Variants in CFAP20DC observed in about 807,000 individuals in gnomAD.
CFAP20DC encodes protein CFAP20DC.
In CFAP20DC, 84 loss-of-function variants were observed where a neutral mutation model predicts 101.7. That is an observed-to-expected ratio of 0.83 (90% CI 0.69 to 0.99). CFAP20DC has a LOEUF of 0.99. CFAP20DC is among the 50% of genes least tolerant of loss of function. The pLI is 0.00. For synonymous variants in CFAP20DC, 359 were observed against 351.2 expected (o/e 1.02, Z -0.25); for missense variants, 1,007 against 970.3 (o/e 1.04, Z -0.50).
intron 4 of CFAP20DC, among the ~76,000 whole-genome samples, chr3:58,994,818 TAAAG>T (rs1357389902): frequency 6.6e-6 from 1 of 150,762 alleles, no homozygotes; most frequent in Admixed American, 6.6e-5. Context: ...TTTGCTCGGG[TAAAG>T]AACCAAAAGA....
chr3:59,048,221 T>G (rs1700021628), intron 1 of CFAP20DC, among the ~76,000 whole-genome samples: 1 of 152,226 alleles, frequency 6.6e-6, no homozygotes, highest in Non-Finnish European at 1.5e-5. Context: ...ACGGTTTGAA[T>G]TATAAACAAT....
intron 3 of CFAP20DC, among the ~76,000 whole-genome samples, chr3:59,041,922 C>T (rs1240054004): frequency 6.6e-6 from 1 of 152,066 alleles, no homozygotes; most frequent in Non-Finnish European, 1.5e-5. Context: ...TACTGAGCAC[C>T]TACTACGTAC....
Position 58,719,675 on chromosome 3 carries a change from G to A in CFAP20DC, c.198-2047C>T, listed in dbSNP as rs562767037. ...ATGTCATTATAATTCTGGTTTGTCC[G>A]CCTGTGTCTCCCAAGAAAAGGGGAA... On this transcript the variant is annotated intron_variant, in intron 3 of 3. Transcript: ENST00000486145. Among the ~76,000 whole-genome samples the A allele has an allele frequency of 4.6e-5, 7 of 152,224 alleles. No individual in the cohort carries two copies. The East Asian group carries it at 7.7e-4, about 17-fold the overall frequency.
chr3:58,838,241 C>T (rs2076871219), intron 13 of CFAP20DC, among the ~76,000 whole-genome samples: 1 of 151,958 alleles, frequency 6.6e-6, no homozygotes, highest in Non-Finnish European at 1.5e-5. Flanking sequence ...TTAAGGGTTG[C>T]TATATTGAGT....
intron 14 of CFAP20DC, among the ~76,000 whole-genome samples, chr3:58,823,565 A>G (rs1303173331): frequency 1.3e-5 from 2 of 152,162 alleles, no homozygotes; most frequent in South Asian, 2.1e-4. Context: ...ATTCAACAGA[A>G]GAGGAAATTG....
rs751318328 is a variant in CFAP20DC at position 59,049,681 on chromosome 3, C to A, written c.-50G>T. ...GGGGCACAGAGTTCAGGGTTTCCAG[C>A]GAGTGGCGTGACCCTGACGGCTGGA... On this transcript the variant is annotated 5_prime_UTR_variant, in exon 1 of 17. Transcript: ENST00000482387. 6 of 1,531,618 alleles carry A rather than the reference C, an allele frequency of 3.9e-6. No individual in the cohort carries two copies. In the South Asian group the frequency reaches 4.8e-5, roughly 12 times the overall value. 94.9% of individuals were successfully genotyped at this position (1,531,618 alleles called of 1,614,324 possible).
chr3:58,841,845 G>A (rs2077136951), intron 13 of CFAP20DC, among the ~76,000 whole-genome samples: 1 of 152,106 alleles, frequency 6.6e-6, no homozygotes, highest in Admixed American at 6.5e-5. Context: ...AACTTTTTCT[G>A]GAGCTATAAA....
At chr3:58,959,162 T>C (rs957874013) in intron 4 of CFAP20DC, among the ~76,000 whole-genome samples, 1 of 152,228 alleles carries the variant, frequency 6.6e-6, no homozygotes. Flanking sequence ...TGGTGCCATC[T>C]CCGCTCACTG....
intron 3 of CFAP20DC, among the ~76,000 whole-genome samples, 193 bp downstream of exon 3, chr3:59,046,036 G>A (rs77639561): frequency 5.8e-4 from 88 of 151,830 alleles, no homozygotes; most frequent in East Asian, 4.8e-3. Context: ...AAGATGGTGA[G>A]GTAGAATATA....
rs143373451 is a variant in CFAP20DC at position 58,986,163 on chromosome 3, C to T, written c.279-48401G>A. On this transcript the variant is annotated intron_variant, in intron 4 of 16. Coordinates refer to ENST00000482387, the MANE Select transcript of CFAP20DC (RefSeq NM_001394063.1). ...AAGAAAAATGAACCTTCAATTCATA[C>T]GTAAGTTTGAAAGATAAAATAGGAA... Among the ~76,000 whole-genome samples, 7 of 152,120 alleles carry T rather than the reference C, an allele frequency of 4.6e-5. No homozygotes were observed. The East Asian group carries it at 1.2e-3, about 25-fold the overall frequency.
At chr3:58,965,858 T>C (rs897506281) in intron 4 of CFAP20DC, among the ~76,000 whole-genome samples, 6 of 152,228 alleles carry the variant, frequency 3.9e-5, no homozygotes, top group Admixed American at 3.9e-4. Flanking sequence ...TTACGTGGCA[T>C]AGATGAAGAA....
chr3:58,968,959 T>C (rs1475771512), intron 4 of CFAP20DC, among the ~76,000 whole-genome samples: 4 of 152,184 alleles, frequency 2.6e-5, no homozygotes, highest in African/African-American at 4.8e-5. Context: ...ATTTATTGAA[T>C]ACAAAGTCTT....
At chr3:58,777,301 A>G (rs1242058134) in intron 15 of CFAP20DC, among the ~76,000 whole-genome samples, 1 of 152,172 alleles carries the variant, frequency 6.6e-6, no homozygotes, top group East Asian at 1.9e-4. Context: ...TACATCTTAC[A>G]TGTACTGATT....
At chr3:58,842,697 C>T (rs1286035950) in intron 13 of CFAP20DC, among the ~76,000 whole-genome samples, 1 of 152,222 alleles carries the variant, frequency 6.6e-6, no homozygotes, top group Non-Finnish European at 1.5e-5. Context: ...CTGTAGGCTC[C>T]ACCTCTGGGG....
chr3:58,762,617 A>G (rs1013543851), intron 15 of CFAP20DC, among the ~76,000 whole-genome samples: 10 of 152,194 alleles, frequency 6.6e-5, no homozygotes, highest in African/African-American at 2.4e-4. Flanking sequence ...TAGTTGATGC[A>G]GTTTCTTCCT....
intron 12 of CFAP20DC, among the ~76,000 whole-genome samples, chr3:58,851,285 T>C (rs563295659): frequency 3.9e-5 from 6 of 152,194 alleles, no homozygotes; most frequent in Admixed American, 2.0e-4. Context: ...GTGGAGACAG[T>C]AGAACTGGAG....
intron 4 of CFAP20DC, among the ~76,000 whole-genome samples, chr3:59,008,429 G>A (rs1260234582): frequency 6.6e-6 from 1 of 152,130 alleles, no homozygotes; most frequent in Non-Finnish European, 1.5e-5. Context: ...CACCACAACT[G>A]GTGCCTACCC....
chr3:58,887,052 G>A (rs748037749), intron 6 of CFAP20DC, among the ~76,000 whole-genome samples: 1 of 152,154 alleles, frequency 6.6e-6, no homozygotes, highest in Non-Finnish European at 1.5e-5. Flanking sequence ...AGATCCTAAT[G>A]TCCTAATCTG....
rs1489881407 is a variant in CFAP20DC, at chr3:58,799,676, T to C, written c.2237+6719A>G. Among the ~76,000 whole-genome samples the C allele has an allele frequency of 2.6e-5, 4 of 152,096 alleles. No homozygotes were observed. The highest frequency in any genetic ancestry group is 2.6e-4 in the Admixed American group (4 of 15,252). ...AAGTGAGATAAGGTTTTCACATGCATGCAGTTTACATTCCAGCATTCGAGA... is the reference window on the plus strand; with the variant it reads ...AAGTGAGATAAGGTTTTCACATGCACGCAGTTTACATTCCAGCATTCGAGA... On this transcript the variant is annotated intron_variant, in intron 15 of 16. Transcript: ENST00000482387. The surrounding 1 kb of genome is among the most constrained non-coding windows in gnomAD (Gnocchi z 4.9).
Sources: gnomAD v4.1 joint callset for allele counts (sites outside exome capture counted in the v4.1 genomes callset) on GRCh38, gnomAD v4.1.1 for gene constraint, Gnocchi (gnomAD v3.1) non-coding constraint, MANE v1.5 for transcripts, NCBI Gene and HGNC (gene_info 2026-07-23, HGNC 2026-07-21) for gene names.